FARP1: variants seen among roughly 807,000 people sequenced by gnomAD.
FARP1 encodes the protein FERM, ARH/RhoGEF and pleckstrin domain protein 1.
In FARP1, 52 loss-of-function variants were observed where a neutral mutation model predicts 128.8. The ratio of observed to expected loss-of-function variants is 0.40; its 90% CI spans 0.32 to 0.51. The LOEUF (loss-of-function observed/expected upper bound fraction) is 0.51, where lower values mean the gene tolerates loss of function less well. FARP1 is among the 20% of genes least tolerant of loss of function. The probability of loss-of-function intolerance (pLI) is 0.45; values close to 1 mark genes in which losing one functional copy is unlikely to be tolerated. For missense variants in FARP1, 1,333 were observed against 1,367.9 expected, an observed-to-expected ratio of 0.97 and a Z score of 0.40; for synonymous variants, 580 against 551.8, an observed-to-expected ratio of 1.05 and a Z score of -0.72.
chr13:98,416,851 G>GA (rs1195733183), intron 16 of FARP1, among the ~76,000 whole-genome samples: 4 of 152,166 alleles, frequency 2.6e-5, no homozygotes, highest in Non-Finnish European at 4.4e-5. Context: ...TGGGAGCTGG[G>GA]AGACAGCAAG....
At chr13:98,405,851 A>T (rs1394217191) in intron 13 of FARP1, 3 of 152,236 alleles carry the variant, frequency 2.0e-5, no homozygotes, top group Non-Finnish European at 2.9e-5. Context: ...TTCATGGAGT[A>T]GCAATGAATG....
chr13:98,218,018 T>C (rs1216219435), intron 2 of FARP1, among the ~76,000 whole-genome samples: 1 of 152,098 alleles, frequency 6.6e-6, no homozygotes, highest in Non-Finnish European at 1.5e-5. Context: ...GACCCTCAAC[T>C]TACCCATCTT....
intron 1 of FARP1, among the ~76,000 whole-genome samples, chr13:98,205,558 A>G (rs1181341901): frequency 1.3e-5 from 2 of 151,908 alleles, no homozygotes; most frequent in Admixed American, 6.6e-5. Flanking sequence ...ATGCCCGGCT[A>G]ATTTTTTTGT....
chr13:98,250,379 T>C (rs891566167), intron 2 of FARP1, among the ~76,000 whole-genome samples: 8 of 152,170 alleles, frequency 5.3e-5, no homozygotes, highest in African/African-American at 1.4e-4. Context: ...TTGTGAAATA[T>C]GGCATATTTA....
chr13:98,209,471 GATTT>G (rs1880520591), intron 1 of FARP1, among the ~76,000 whole-genome samples: 2 of 83,836 alleles, frequency 2.4e-5, no homozygotes, highest in Non-Finnish European at 4.8e-5. Context: ...GGGGAGGAAA[GATTT>G]TTTTTTTTTT....
chr13:98,206,488 T>C (rs1880276428), intron 1 of FARP1, among the ~76,000 whole-genome samples: 1 of 152,202 alleles, frequency 6.6e-6, no homozygotes, highest in Non-Finnish European at 1.5e-5. Flanking sequence ...ATCTGAGATC[T>C]GTAGCCATGA....
intron 2 of FARP1, among the ~76,000 whole-genome samples, chr13:98,271,914 AT>A (rs1884409027): frequency 1.3e-5 from 2 of 152,168 alleles, no homozygotes; most frequent in African/African-American, 4.8e-5. Flanking sequence ...ATGCTTCCTT[AT>A]CATAGAATGA....
Position 98,213,374 on chromosome 13 carries a change from C to T in FARP1, c.132C>T (p.Ile44=). ...CAGGAAAACTCGTGTCCATCAAAAT[C>T]CAGATGCTGGATGACACCCAGGAGG... ...TPSGKLVSIK[I]QMLDDTQEAF... Residue 44 remains isoleucine (I), a synonymous_variant, in exon 2 of 27, where the codon ATC becomes ATT. Coordinates refer to ENST00000319562, the MANE Select transcript of FARP1 (RefSeq NM_005766.4). 2.5e-6 allele frequency: 4 copies of T among 1,614,062 alleles called. No individual in the cohort carries two copies. Among genetic ancestry groups the T allele is most frequent in the Non-Finnish European group, 2.5e-6 (3 of 1,180,002 alleles).
At chr13:98,187,506 A>G (rs977126507) in intron 1 of FARP1, among the ~76,000 whole-genome samples, 1 of 152,224 alleles carries the variant, frequency 6.6e-6, no homozygotes, top group African/African-American at 2.4e-5. Context: ...AGGAGGATCC[A>G]GGCAGTGGTA....
chr13:98,180,174 A>G (rs1878405796), intron 1 of FARP1, among the ~76,000 whole-genome samples: 1 of 152,164 alleles, frequency 6.6e-6, no homozygotes, highest in Non-Finnish European at 1.5e-5. Context: ...TACAAGCAGC[A>G]TGGCGTTGGT....
Position 98,446,696 on chromosome 13 carries a change from C to T in FARP1, c.2935C>T (p.Leu979Phe), listed in dbSNP as rs764446500. 9 of 1,614,110 alleles carry T rather than the reference C, an allele frequency of 5.6e-6. No homozygotes were observed. Among genetic ancestry groups the T allele is most frequent in the Non-Finnish European group, 6.8e-6 (8 of 1,179,988 alleles). The change falls in exon 26 of 27, where the codon CTC (leucine) becomes TTC (phenylalanine). Residue 979 changes from leucine to phenylalanine, a missense_variant. Around this residue, in one of 2 missense-constraint regions of FARP1, gnomAD observed 1,009 missense variants for 969.8 expected, o/e 1.04. Transcript: ENST00000319562. Reference sequence around the variant, plus strand: ...TCATCCCCTTGCCAGCCTGCCTCTGCTCGGCTACTCGCTCACCATCCCCTC... The same window carrying T: ...TCATCCCCTTGCCAGCCTGCCTCTGTTCGGCTACTCGCTCACCATCCCCTC... ...DNHPLASLPLLGYSLTIPSES... is the reference protein window; with the variant it reads ...DNHPLASLPLFGYSLTIPSES...
At chr13:98,363,309 A>G (rs1348748922) in intron 3 of FARP1, among the ~76,000 whole-genome samples, 1 of 152,174 alleles carries the variant, frequency 6.6e-6, no homozygotes, top group African/African-American at 2.4e-5. Flanking sequence ...ATCTTAGCAC[A>G]GGGTCATTTT....
chr13:98,276,525 G>A (rs898648876), intron 2 of FARP1, among the ~76,000 whole-genome samples: 1 of 152,106 alleles, frequency 6.6e-6, no homozygotes, highest in Non-Finnish European at 1.5e-5. Context: ...CTAAACAAAT[G>A]TAAAAATAAT....
chr13:98,255,086 T>C (rs1594325970), intron 2 of FARP1, among the ~76,000 whole-genome samples: 1 of 152,136 alleles, frequency 6.6e-6, no homozygotes, highest in East Asian at 1.9e-4. Context: ...AAAACAACAG[T>C]AGGGAGGGAG....
chr13:98,214,865 G>A (rs1393626080), intron 2 of FARP1, among the ~76,000 whole-genome samples: 13 of 152,318 alleles, frequency 8.5e-5, no homozygotes, highest in Non-Finnish European at 1.6e-4. Flanking sequence ...CCTGGCACAC[G>A]TGGTCCGTAT....
chr13:98,440,156 C>A lies in FARP1; in HGVS notation c.2550C>A (p.Asp850Glu), dbSNP rs1461162545. 6.2e-7 allele frequency: 1 copy of A among 1,614,088 alleles called. No individual in the cohort carries two copies. The highest frequency in any genetic ancestry group is 2.2e-5 in the East Asian group (1 of 44,854). Residue 850 changes from aspartate (D) to glutamate (E), a missense_variant, in exon 23 of 27, where the codon GAC becomes GAA. By Grantham distance (45) the Asp-to-Glu change is conservative. Coordinates refer to ENST00000319562, the MANE Select transcript of FARP1 (RefSeq NM_005766.4). ...CCGAGATGGAGAAGTGGGTTGAGGA[C>A]ATCCAGATGGCCATTGACCTGGCGG... ...SRSEMEKWVEDIQMAIDLAEK... is the reference protein window; with the variant it reads ...SRSEMEKWVEEIQMAIDLAEK...
chr13:98,431,707 G>GC (rs1892036206), intron 18 of FARP1: 1 of 154,118 alleles, frequency 6.5e-6, no homozygotes, highest in Non-Finnish European at 1.4e-5. Flanking sequence ...TGATCCGCCC[G>GC]CCTTGGCCTC....
intron 24 of FARP1, among the ~76,000 whole-genome samples, chr13:98,443,419 CAT>C (rs1483901505): frequency 1.6e-4 from 25 of 152,304 alleles, no homozygotes; most frequent in African/African-American, 5.3e-4. Flanking sequence ...AGGCAGCCCT[CAT>C]GTGCCAGACG....
intron 1 of FARP1, among the ~76,000 whole-genome samples, chr13:98,210,657 C>G (rs1184233468): frequency 1.3e-5 from 2 of 151,874 alleles, no homozygotes; most frequent in East Asian, 3.9e-4. Flanking sequence ...TCACGCCATT[C>G]TCCTGCCTCA....
Sources: allele counts gnomAD v4.1 joint callset (sites outside exome capture counted in the v4.1 genomes callset), GRCh38; gene constraint gnomAD v4.1.1; regional missense constraint gnomAD v4.1.1; transcripts MANE v1.5; gene names NCBI Gene and HGNC (gene_info 2026-07-23, HGNC 2026-07-21).